Variants in COX7A2L observed in about 807,000 individuals in gnomAD.
The protein encoded by COX7A2L is cytochrome c oxidase subunit 7A2 like, also known as cytochrome c oxidase subunit 7A2-like, mitochondrial.
A neutral mutation model predicts 14.2 loss-of-function variants in COX7A2L; 18 were observed. The ratio of observed to expected loss-of-function variants is 1.27; its 90% CI spans 0.88 to 1.88. The LOEUF is 1.88. Among genes scored for constraint, COX7A2L ranks in the 40% most tolerant of loss-of-function variants. The pLI is 0.00. For synonymous variants in COX7A2L, 65 were observed against 57.4 expected, an observed-to-expected ratio of 1.13 and a Z score of -0.60; for missense variants, 179 against 138.8, an observed-to-expected ratio of 1.29 and a Z score of -1.46.
upstream of COX7A2L, among the ~76,000 whole-genome samples, chr2:42,362,012 A>G (rs1671068334): frequency 1.3e-5 from 2 of 152,202 alleles, no homozygotes; most frequent in South Asian, 4.1e-4. Flanking sequence ...ACCAGGATGT[A>G]AATGTCACAC....
At chr2:42,336,857 G>A (rs115958276) in intron 2 of COX7A2L, among the ~76,000 whole-genome samples, 2,547 of 152,242 alleles carry the variant, frequency 0.017, 30 homozygotes, top group Non-Finnish European at 0.027. Flanking sequence ...GGATCCAAAG[G>A]AGGCACCCAT....
intron 1 of COX7A2L, among the ~76,000 whole-genome samples, chr2:42,358,084 G>A (rs537608965): frequency 6.6e-6 from 1 of 152,236 alleles, no homozygotes; most frequent in East Asian, 1.9e-4. Flanking sequence ...TTCCAAAGTG[G>A]CTGCGTCATT....
intron 1 of COX7A2L, among the ~76,000 whole-genome samples, chr2:42,358,385 C>T (rs896639684): frequency 7.2e-5 from 11 of 152,328 alleles, no homozygotes; most frequent in African/African-American, 2.6e-4. Context: ...TCTACCTGTG[C>T]AATTGTTACA....
At chr2:42,362,214 A>C (rs1223128152), upstream of COX7A2L, among the ~76,000 whole-genome samples, 1 of 152,146 alleles carries the variant, frequency 6.6e-6, no homozygotes, top group Non-Finnish European at 1.5e-5. Flanking sequence ...GCTTCAGTTC[A>C]ATTTAAATAT....
Position 42,361,131 on chromosome 2 carries a change from T to G in COX7A2L, c.31A>C (p.Lys11Gln). The G allele has an allele frequency of 6.2e-7, 1 of 1,613,826 alleles. No individual in the cohort carries two copies. Among genetic ancestry groups the G allele is most frequent in the Non-Finnish European group, 8.5e-7 (1 of 1,179,910 alleles). Reference protein sequence around the residue: MYYKFSGFTQKLAGAWASEAY... With the variant: MYYKFSGFTQQLAGAWASEAY... ...TCCGAAGCCCATGCTCCTGCCAACT[T>G]CTGCGTGAAGCCACTAAACTTGTAG... The change falls in exon 1 of 3, where the codon AAG (lysine) becomes CAG (glutamine). Residue 11 changes from lysine to glutamine, a missense_variant. Physicochemically the swap from Lys to Gln is moderately conservative, Grantham distance 53. Transcript: ENST00000234301.
At position 42,351,249 on chromosome 2, in the gene COX7A2L, G is replaced by A; in HGVS notation, c.315C>T (p.Leu105=). The A allele has an allele frequency of 6.2e-7, 1 of 1,614,132 alleles. No individual in the cohort carries two copies. Residue 105 remains leucine (L), a synonymous_variant, in exon 3 of 3, where the codon CTC becomes CTT. Transcript: ENST00000234301. ...TGTTTTTGGGCTGCGAAGCCATGTA[G>A]AGGGCGATCAGGCAGTAGATGGTCC... ...VGGTIYCLIA[L]YMASQPKNK is the part of the protein sequence containing the mutation.
chr2:42,337,056 G>A (rs1365259703), intron 2 of COX7A2L, among the ~76,000 whole-genome samples: 3 of 152,186 alleles, frequency 2.0e-5, no homozygotes, highest in African/African-American at 7.2e-5. Flanking sequence ...TTAGAAAATT[G>A]TAACTAGATG....
At position 42,337,734 on chromosome 2, in the gene COX7A2L, CAAAAT is replaced by C. The variant is rs548805035; in HGVS notation, c.193-3870_193-3866del. On this transcript the variant is annotated intron_variant, in intron 2 of 2. Coordinates refer to the COX7A2L transcript ENST00000468711. ...TATTTTTGCAACTTCCTCAGAGTCT[CAAAAT>C]AAAATATGTACATACTGACATAGAA... Among the ~76,000 whole-genome samples the C allele has an allele frequency of 7.9e-5, 12 of 152,272 alleles. No individual in the cohort carries two copies. The South Asian group carries it at 1.7e-3, about 21-fold the overall frequency.
rs768540198 is a variant in COX7A2L, at chr2:42,366,461, AAGGTC to A, written c.-688+2402_-688+2406del. On this transcript the variant is annotated intron_variant, in intron 1 of 3. Coordinates refer to the COX7A2L transcript ENST00000378669. ...ACATAGGGTGCTCTGCTAGCCATTG[AAGGTC>A]AGGATGTCCAGATTCCAACCCTGCA... Among the ~76,000 whole-genome samples, 22 of 152,300 alleles carry A rather than the reference AAGGTC, an allele frequency of 1.4e-4. No homozygotes were observed. In the East Asian group the frequency reaches 3.1e-3, roughly 21 times the overall value.
At chr2:42,366,346 C>T (rs1671165617) in intron 1 of COX7A2L, among the ~76,000 whole-genome samples, 8 of 152,154 alleles carry the variant, frequency 5.3e-5, no homozygotes. Context: ...ATCACCTGAG[C>T]CCAGGAGGTT....
downstream of COX7A2L, among the ~76,000 whole-genome samples, chr2:42,347,404 A>T (rs569891990): frequency 1.3e-5 from 2 of 151,972 alleles, no homozygotes; most frequent in African/African-American, 2.4e-5. Context: ...TGATCCTAGA[A>T]ATATATCCAA....
upstream of COX7A2L, among the ~76,000 whole-genome samples, chr2:42,365,251 TC>T (rs1671142499): frequency 6.6e-6 from 1 of 152,182 alleles, no homozygotes; most frequent in Admixed American, 6.5e-5. Context: ...GGATTCCCAC[TC>T]TCTACCTCAC....
chr2:42,338,676 A>C lies in COX7A2L; in HGVS notation c.193-4807T>G, dbSNP rs1466496318. ...TCCCCACCTGGCGGTCAGCCTGTCG[A>C]GGGGCCAGTGAGGAATCTGACAGCA... On this transcript the variant is annotated intron_variant, in intron 2 of 2. Transcript: ENST00000468711. The surrounding 1 kb of genome is among the most constrained non-coding windows in gnomAD (Gnocchi z 4.4). 1.3e-5 allele frequency among the ~76,000 whole-genome samples: 2 copies of C among 152,092 alleles called. No individual in the cohort carries two copies. Among genetic ancestry groups the C allele is most frequent in the African/African-American group, 4.8e-5 (2 of 41,402 alleles).
intron 2 of COX7A2L, among the ~76,000 whole-genome samples, chr2:42,340,023 A>G (rs1419757422): frequency 6.6e-6 from 1 of 152,138 alleles, no homozygotes. Context: ...TGGTTTCTGC[A>G]GCCACCTGTA....
At chr2:42,341,629 T>C (rs1670405874) in intron 2 of COX7A2L, among the ~76,000 whole-genome samples, 1 of 152,190 alleles carries the variant, frequency 6.6e-6, no homozygotes, top group Non-Finnish European at 1.5e-5. Flanking sequence ...TAAAACCAAC[T>C]TTCCAAATGA....
At chr2:42,360,238 T>C (rs1168809159) in intron 1 of COX7A2L, among the ~76,000 whole-genome samples, 1 of 152,194 alleles carries the variant, frequency 6.6e-6, no homozygotes, top group African/African-American at 2.4e-5. Flanking sequence ...CAGTTAACAC[T>C]TATCCAGAAC....
chr2:42,361,218 A>G (rs1330259067), upstream of COX7A2L: 10 of 1,499,842 alleles, frequency 6.7e-6, no homozygotes, highest in Non-Finnish European at 9.1e-6. Flanking sequence ...CCAGAGAAGG[A>G]CCCCGCCTCC....
At chr2:42,361,409 T>C (rs1341214144), upstream of COX7A2L, 1 of 457,702 alleles carries the variant, frequency 2.2e-6, no homozygotes, top group Non-Finnish European at 3.9e-6. Flanking sequence ...TGGCGGAGTC[T>C]GTAGGAAATA....
rs1040613710 is a variant in COX7A2L, at chr2:42,338,623, C to T, written c.193-4754G>A. ...GATAGGACTCAGCCCCCACCAAGAC[C>T]GTAGAGCCTTAGTGTGATTCAACTC... On this transcript the variant is annotated intron_variant, in intron 2 of 2. Coordinates refer to the COX7A2L transcript ENST00000468711. The surrounding 1 kb of genome is among the most constrained non-coding windows in gnomAD (Gnocchi z 4.4). 1.3e-5 allele frequency among the ~76,000 whole-genome samples: 2 copies of T among 152,148 alleles called. No individual in the cohort carries two copies. The highest frequency in any genetic ancestry group is 1.9e-4 in the East Asian group (1 of 5,184).
Sources: gnomAD v4.1 joint callset for allele counts (sites outside exome capture counted in the v4.1 genomes callset) on GRCh38, gnomAD v4.1.1 for gene constraint, Gnocchi (gnomAD v3.1) non-coding constraint, MANE v1.5 for transcripts, NCBI Gene and HGNC (gene_info 2026-07-23, HGNC 2026-07-21) for gene names.